FAM120B: variants seen among roughly 807,000 people sequenced by gnomAD.
The protein encoded by FAM120B is family with sequence similarity 120 member B, also known as constitutive coactivator of peroxisome proliferator-activated receptor gamma.
In FAM120B, 83 loss-of-function variants were observed where a neutral mutation model predicts 96.3. That is an observed-to-expected ratio of 0.86 (90% CI 0.72 to 1.03). The LOEUF (loss-of-function observed/expected upper bound fraction) is 1.03, where lower values mean the gene tolerates loss of function less well. FAM120B is among the 50% of genes least tolerant of loss of function. The pLI, the probability that FAM120B is intolerant of heterozygous loss-of-function variation, is 0.00. For synonymous variants in FAM120B, 407 were observed against 402.7 expected, an observed-to-expected ratio of 1.01 and a Z score of -0.13; for missense variants, 1,027 against 1,121.2, an observed-to-expected ratio of 0.92 and a Z score of 1.20.
Position 170,368,823 on chromosome 6 carries a change from G to C in FAM120B, c.2283+10505G>C, listed in dbSNP as rs993259946. Among the ~76,000 whole-genome samples the C allele has an allele frequency of 2.2e-4, 28 of 125,302 alleles. 1 individual carries two copies. Among genetic ancestry groups the C allele is most frequent in the African/African-American group, 7.8e-4 (26 of 33,338 alleles). The allele number at this position is 125,302 out of a possible 152,430, so 82.2% of individuals were successfully genotyped here. ...CAGCTCTGCTGTCTGCCGGGGCTGGGGGGGGGGCTCCCTCCTGGCTTGCAG... is the reference window on the plus strand; with the variant it reads ...CAGCTCTGCTGTCTGCCGGGGCTGGCGGGGGGGCTCCCTCCTGGCTTGCAG... On this transcript the variant is annotated intron_variant, in intron 6 of 10. Transcript: ENST00000476287.
chr6:170,308,528 G>T (rs1163086265), intron 1 of FAM120B, among the ~76,000 whole-genome samples: 1 of 152,094 alleles, frequency 6.6e-6, no homozygotes, highest in Non-Finnish European at 1.5e-5. Flanking sequence ...CCTGAATCTG[G>T]ATACCATTTA....
intron 6 of FAM120B, among the ~76,000 whole-genome samples, chr6:170,368,820 T>TGC (rs1788974586): frequency 7.1e-6 from 1 of 139,924 alleles, no homozygotes; most frequent in South Asian, 2.2e-4. Context: ...CTGCCGGGGC[T>TGC]GGGGGGGGGG....
chr6:170,316,263 A>T (rs1243411243), intron 1 of FAM120B, among the ~76,000 whole-genome samples: 1 of 152,148 alleles, frequency 6.6e-6, no homozygotes, highest in East Asian at 1.9e-4. Flanking sequence ...TCAACATGAG[A>T]GATACCCATG....
chr6:170,400,629 A>G (rs1000250855), intron 9 of FAM120B, among the ~76,000 whole-genome samples: 1 of 152,196 alleles, frequency 6.6e-6, no homozygotes, highest in Admixed American at 6.5e-5. Context: ...ACCAGCATCC[A>G]GGCAGAGGGG....
intron 9 of FAM120B, among the ~76,000 whole-genome samples, chr6:170,399,241 A>G (rs1778395006): frequency 6.8e-6 from 1 of 146,050 alleles, no homozygotes; most frequent in Non-Finnish European, 1.5e-5. Context: ...AACTCTTAGG[A>G]GTGAGTGAGA....
At chr6:170,291,560 T>C (rs901489359), upstream of FAM120B, among the ~76,000 whole-genome samples, 2 of 150,094 alleles carry the variant, frequency 1.3e-5, no homozygotes, top group African/African-American at 4.9e-5. Flanking sequence ...GGGAGCATCG[T>C]AGGAAAGGGG....
At chr6:170,374,513 TTGTTTAA>T (rs1433040099) in intron 6 of FAM120B, among the ~76,000 whole-genome samples, 1 of 152,208 alleles carries the variant, frequency 6.6e-6, no homozygotes, top group East Asian at 1.9e-4. Context: ...TGGAACAGAA[TTGTTTAA>T]TGTTTATTAT....
chr6:170,381,152 G>A (rs973948403), intron 6 of FAM120B, among the ~76,000 whole-genome samples: 1 of 152,210 alleles, frequency 6.6e-6, no homozygotes, highest in African/African-American at 2.4e-5. Context: ...ATGCTCTGAT[G>A]TGTTTGCCTG....
chr6:170,385,043 A>C (rs1360004244), intron 6 of FAM120B, among the ~76,000 whole-genome samples: 1 of 152,224 alleles, frequency 6.6e-6, no homozygotes, highest in Non-Finnish European at 1.5e-5. Flanking sequence ...TAGAGTAAAC[A>C]CTTCTCCAGT....
rs1285325360 is a variant in FAM120B at position 170,405,982 on chromosome 6, C to G, written c.*1231C>G. 1 of 151,988 alleles carries G rather than the reference C, an allele frequency of 6.6e-6. No homozygotes were observed. The highest frequency in any genetic ancestry group is 1.5e-5 in the Non-Finnish European group (1 of 68,016). The allele number at this position is 151,988 out of a possible 1,614,324, so 9.4% of individuals were successfully genotyped here. A position where few individuals can be genotyped will look rare whatever the true frequency, so the allele number is the denominator to read the frequency against. ...ACAAGTGAATGGCACGTTTGTTCCT[C>G]TTTATCTCTGAGCATTGAAGGACTT... On this transcript the variant is annotated 3_prime_UTR_variant, in exon 11 of 11. Coordinates refer to ENST00000476287, the MANE Select transcript of FAM120B (RefSeq NM_032448.3).
rs78826706 is a variant in FAM120B at position 170,321,082 on chromosome 6, A to G, written c.1734+1958A>G. On this transcript the variant is annotated intron_variant, in intron 2 of 10. Coordinates refer to ENST00000476287, the MANE Select transcript of FAM120B (RefSeq NM_032448.3). Reference sequence around the variant, plus strand: ...AGGCAGGGTCAAGGAGAGTCCTCACAGGAAGGGAGTGCCTGGGCAAAGTGG... The same window carrying G: ...AGGCAGGGTCAAGGAGAGTCCTCACGGGAAGGGAGTGCCTGGGCAAAGTGG... Among the ~76,000 whole-genome samples, 570 of 152,310 alleles carry G rather than the reference A, an allele frequency of 3.7e-3. 4 individuals carry two copies. Among genetic ancestry groups the G allele is most frequent in the African/African-American group, 0.013 (522 of 41,568 alleles).
At chr6:170,294,439 T>G (rs1465779881), upstream of FAM120B, among the ~76,000 whole-genome samples, 1 of 152,106 alleles carries the variant, frequency 6.6e-6, no homozygotes, top group Non-Finnish European at 1.5e-5. This position sits in a 1 kb window ranked among gnomAD's most constrained non-coding sequence, Gnocchi z 7.9. Context: ...CCCCAGTGTC[T>G]AGGGTAAGCT....
At chr6:170,348,093 C>A in intron 4 of FAM120B, 58 bp from the exon 5 acceptor site, 1 of 1,340,934 alleles carries the variant, frequency 7.5e-7, no homozygotes, top group Non-Finnish European at 1.0e-6. Flanking sequence ...CTACAAGGAG[C>A]ATATTATAAC....
chr6:170,396,143 G>GA, intron 9 of FAM120B, among the ~76,000 whole-genome samples: 2 of 152,292 alleles, frequency 1.3e-5, no homozygotes, highest in Admixed American at 1.3e-4. Flanking sequence ...TATAAACTTT[G>GA]AAATTACCTA....
rs777992577 is a variant in FAM120B, at chr6:170,318,215, T to A, written c.825T>A (p.Leu275=). ...TGTCAGACCATATATCGAAAGTTCT[T>A]TACTTGTATCAAGGTGAGAAAAAAT... ...LAVSDHISKV[L]YLYQGEKKLE... The change falls in exon 2 of 11, where the codon CTT becomes CTA. Residue 275 remains leucine (L), a synonymous_variant. Coordinates refer to ENST00000476287, the MANE Select transcript of FAM120B (RefSeq NM_032448.3). 6.2e-7 allele frequency: 1 copy of A among 1,613,866 alleles called. No homozygotes were observed. The highest frequency in any genetic ancestry group is 2.2e-5 in the East Asian group (1 of 44,892).
chr6:170,291,367 C>G (rs1783867655), upstream of FAM120B, among the ~76,000 whole-genome samples: 1 of 151,740 alleles, frequency 6.6e-6, no homozygotes, highest in Non-Finnish European at 1.5e-5. Flanking sequence ...CTCCGAAACT[C>G]CGGGCCGCGG....
intron 1 of FAM120B, among the ~76,000 whole-genome samples, chr6:170,299,420 G>T (rs1203282877): frequency 6.6e-6 from 1 of 152,204 alleles, no homozygotes; most frequent in African/African-American, 2.4e-5. Flanking sequence ...CTTCTTGAGA[G>T]ATTATGATCA....
At chr6:170,398,407 C>A (rs1284116443) in intron 9 of FAM120B, among the ~76,000 whole-genome samples, 2 of 151,602 alleles carry the variant, frequency 1.3e-5, no homozygotes, top group African/African-American at 4.9e-5. Context: ...GAAGGTAGAA[C>A]TATGTCATAA....
intron 1 of FAM120B, among the ~76,000 whole-genome samples, chr6:170,313,857 A>G (rs144666915): frequency 3.6e-4 from 55 of 152,312 alleles, no homozygotes; most frequent in African/African-American, 1.3e-3. Flanking sequence ...TACAGCAGCC[A>G]AGTATTGGTT....
Sources: allele counts gnomAD v4.1 joint callset (sites outside exome capture counted in the v4.1 genomes callset), GRCh38; gene constraint gnomAD v4.1.1; non-coding constraint Gnocchi (gnomAD v3.1); transcripts MANE v1.5; gene names NCBI Gene and HGNC (gene_info 2026-07-23, HGNC 2026-07-21).